Variants in ALDH8A1 observed in about 807,000 individuals in gnomAD.
The protein encoded by ALDH8A1 is 2-aminomuconic semialdehyde dehydrogenase.
Under a neutral mutation model 43.3 loss-of-function variants are expected in ALDH8A1, and 39 were observed. The observed-to-expected ratio is 0.90, with a 90% CI of 0.70 to 1.18. The LOEUF (loss-of-function observed/expected upper bound fraction) is 1.18. ALDH8A1 is among the 50% of genes most tolerant of loss of function. ALDH8A1 has a pLI of 0.00. For synonymous variants in ALDH8A1, 233 were observed against 243.5 expected (o/e 0.96, Z 0.40); for missense variants, 605 against 622.6 (o/e 0.97, Z 0.30).
At position 134,942,484 on chromosome 6, in the gene ALDH8A1, G is replaced by A; in HGVS notation, c.367C>T (p.His123Tyr). 9 of 1,614,236 alleles carry A rather than the reference G, an allele frequency of 5.6e-6. No individual in the cohort carries two copies. The highest frequency in any genetic ancestry group is 7.6e-6 in the Non-Finnish European group (9 of 1,180,048). ...ATCTGCGTGCACTCTGACGTGTGGTGCAGGCTGGAGGAAGCGAAGAACCTG... is the reference window on the plus strand; with the variant it reads ...ATCTGCGTGCACTCTGACGTGTGGTACAGGCTGGAGGAAGCGAAGAACCTG... ...NFRFFASSSL[H>Y]HTSECTQMDH... The change falls in exon 3 of 7, where the codon CAC becomes TAC. Residue 123 changes from histidine (H) to tyrosine (Y), a missense_variant. Transcript: ENST00000265605.
chr6:134,931,798 T>C (rs1399520000), intron 5 of ALDH8A1, among the ~76,000 whole-genome samples: 2 of 152,246 alleles, frequency 1.3e-5, no homozygotes, highest in Non-Finnish European at 2.9e-5. Context: ...ATTACACTTA[T>C]GATTATCATG....
At chr6:134,929,829 G>T (rs1455770142) in intron 5 of ALDH8A1, among the ~76,000 whole-genome samples, 1 of 152,106 alleles carries the variant, frequency 6.6e-6, no homozygotes, top group East Asian at 1.9e-4. Flanking sequence ...ATAAGGGAAG[G>T]TTTTAAGCAT....
chr6:134,948,569 A>T (rs1773992513), intron 1 of ALDH8A1, among the ~76,000 whole-genome samples: 1 of 152,216 alleles, frequency 6.6e-6, no homozygotes, highest in Admixed American at 6.5e-5. Flanking sequence ...GCACAAAGCA[A>T]AAGTTGAATA....
chr6:134,924,033 C>T (rs1776846780), intron 6 of ALDH8A1, among the ~76,000 whole-genome samples: 1 of 152,180 alleles, frequency 6.6e-6, no homozygotes, highest in Non-Finnish European at 1.5e-5. Flanking sequence ...ACAGCTTGGA[C>T]CTGGCCAGGA....
intron 4 of ALDH8A1, among the ~76,000 whole-genome samples, chr6:134,935,083 C>T (rs1773706334): frequency 6.6e-6 from 1 of 152,222 alleles, no homozygotes; most frequent in African/African-American, 2.4e-5. Flanking sequence ...TTGTTCTCCG[C>T]TTTGGGCAGA....
At chr6:134,942,692 C>A in intron 2 of ALDH8A1, 128 bp from the exon 3 acceptor site, 1 of 872,924 alleles carries the variant, frequency 1.1e-6, no homozygotes, top group East Asian at 2.7e-5. Context: ...GGCAGGCATT[C>A]CTTGACCTCA....
intron 5 of ALDH8A1, among the ~76,000 whole-genome samples, chr6:134,929,742 G>T (rs1201768152): frequency 1.3e-5 from 2 of 152,188 alleles, no homozygotes; most frequent in East Asian, 3.8e-4. Context: ...GAGGAGGTCA[G>T]GAGGCCAGCA....
intron 5 of ALDH8A1, 24 bp downstream of exon 5, chr6:134,932,752 G>A (rs758526823): frequency 3.1e-6 from 5 of 1,609,354 alleles, no homozygotes; most frequent in East Asian, 2.2e-5. Context: ...TGGAGGGGAG[G>A]GAGAAGAACC....
At chr6:134,920,585 A>C (rs1437549501) in intron 6 of ALDH8A1, among the ~76,000 whole-genome samples, 1 of 152,226 alleles carries the variant, frequency 6.6e-6, no homozygotes, top group Non-Finnish European at 1.5e-5. Flanking sequence ...TCTTGGAATC[A>C]TAAAAGGTAA....
rs1288045644 is a variant in ALDH8A1, at chr6:134,939,338, T to C, written c.520A>G (p.Thr174Ala). Residue 174 changes from threonine (T) to alanine (A), a missense_variant, in exon 4 of 7, where the codon ACT becomes GCT. Thr to Ala is a moderately conservative substitution (Grantham distance 58). Coordinates refer to ENST00000265605, the MANE Select transcript of ALDH8A1 (RefSeq NM_022568.4). ...KIAPAMAAGN[T>A]VIAKPSELTS... is the part of the protein sequence containing the mutation. ...AGCTCACTGGGCTTGGCTATCACAGTGTTCCCTGCAGCCATCGCTGGAGCT... is the reference window on the plus strand; with the variant it reads ...AGCTCACTGGGCTTGGCTATCACAGCGTTCCCTGCAGCCATCGCTGGAGCT... 6.2e-7 allele frequency: 1 copy of C among 1,614,232 alleles called. No homozygotes were observed. The highest frequency in any genetic ancestry group is 8.5e-7 in the Non-Finnish European group (1 of 1,180,038).
chr6:134,932,784 CA>C lies in ALDH8A1; in HGVS notation c.840del (p.Phe280LeufsTer25). 5 of 1,613,992 alleles carry C rather than the reference CA, an allele frequency of 3.1e-6. No homozygotes were observed. The highest frequency in any genetic ancestry group is 4.2e-6 in the Non-Finnish European group (5 of 1,179,924). On this transcript the variant is annotated frameshift_variant, in exon 5 of 7. Transcript: ENST00000265605. LOFTEE classifies it high-confidence loss of function. ...AACCCCCGGGGACATACCTGGTTGGCAAAGCTGGACCTGACGGTTGCCGGAA... is the reference window on the plus strand; with the variant it reads ...AACCCCCGGGGACATACCTGGTTGGCAAGCTGGACCTGACGGTTGCCGGAA... ...ECIPATVRSS[F>X]ANQGEICLCT...
chr6:134,931,664 A>G (rs1043455948), intron 5 of ALDH8A1, among the ~76,000 whole-genome samples: 1 of 152,200 alleles, frequency 6.6e-6, no homozygotes, highest in Non-Finnish European at 1.5e-5. Context: ...CCATGAAAAC[A>G]CTTGGTTTAA....
At chr6:134,937,851 C>T (rs1422049119) in intron 4 of ALDH8A1, among the ~76,000 whole-genome samples, 2 of 152,120 alleles carry the variant, frequency 1.3e-5, no homozygotes, top group Admixed American at 6.5e-5. Context: ...AAATGATATA[C>T]CCCGCCCCAC....
rs1776746853 is a variant in ALDH8A1 at position 134,918,605 on chromosome 6, G to A, written c.1274C>T (p.Ser425Phe). 6.2e-7 allele frequency: 1 copy of A among 1,614,086 alleles called. No homozygotes were observed. Among genetic ancestry groups the A allele is most frequent in the South Asian group, 1.1e-5 (1 of 91,074 alleles). ...CCGGTGGACGCGCCCCACATTGCTG[G>A]ACCACACGGTAGCCGCCAGCCCATA... ...VKYGLAATVW[S>F]SNVGRVHRVA... is the part of the protein sequence containing the mutation. The change falls in exon 7 of 7, where the codon TCC (serine) becomes TTC (phenylalanine). Residue 425 changes from serine to phenylalanine, a missense_variant. Transcript: ENST00000265605.
At chr6:134,948,180 A>G (rs1200374084) in intron 1 of ALDH8A1, among the ~76,000 whole-genome samples, 1 of 152,202 alleles carries the variant, frequency 6.6e-6, no homozygotes, top group Non-Finnish European at 1.5e-5. Context: ...GTTCTCACTC[A>G]TATGTGGAAG....
At chr6:134,936,979 C>T (rs1012184699) in intron 4 of ALDH8A1, among the ~76,000 whole-genome samples, 2 of 152,012 alleles carry the variant, frequency 1.3e-5, no homozygotes, top group African/African-American at 4.8e-5. Context: ...AGGGGCTTGG[C>T]AGGGTGGCAA....
chr6:134,942,899 G>A (rs979565120), intron 2 of ALDH8A1, among the ~76,000 whole-genome samples: 2 of 152,150 alleles, frequency 1.3e-5, no homozygotes, highest in Non-Finnish European at 2.9e-5. Flanking sequence ...TTGTACCTGC[G>A]ACAAAGGCAT....
At chr6:134,924,654 T>C (rs1776856798) in intron 6 of ALDH8A1, among the ~76,000 whole-genome samples, 1 of 152,222 alleles carries the variant, frequency 6.6e-6, no homozygotes, top group Non-Finnish European at 1.5e-5. Context: ...TCCTTCTCTA[T>C]GTTGTTATTT....
intron 5 of ALDH8A1, among the ~76,000 whole-genome samples, chr6:134,929,804 C>T (rs1776950825): frequency 6.6e-6 from 1 of 152,050 alleles, no homozygotes. Flanking sequence ...GTTTTATTCT[C>T]AGTATCATGA....
Sources: allele counts gnomAD v4.1 joint callset (sites outside exome capture counted in the v4.1 genomes callset), GRCh38; gene constraint gnomAD v4.1.1; transcripts MANE v1.5; gene names NCBI Gene and HGNC (gene_info 2026-07-23, HGNC 2026-07-21).